SLC4A10: variants seen among roughly 807,000 people sequenced by gnomAD.
The protein encoded by SLC4A10 is sodium-driven chloride bicarbonate exchanger.
SLC4A10 carries 42 observed loss-of-function variants against 137.7 expected under a neutral mutation model. The ratio of observed to expected loss-of-function variants is 0.30; its 90% CI spans 0.24 to 0.39. SLC4A10 has a LOEUF of 0.39. Among genes scored for constraint, SLC4A10 ranks in the 10% least tolerant of loss-of-function variants. The pLI is 1.00. For missense variants in SLC4A10, 925 were observed against 1,355.0 expected, an observed-to-expected ratio of 0.68 and a Z score of 4.98; for synonymous variants, 474 against 464.1, an observed-to-expected ratio of 1.02 and a Z score of -0.27.
intron 2 of SLC4A10, among the ~76,000 whole-genome samples, chr2:161,787,074 G>A (rs535017303): frequency 6.6e-6 from 1 of 151,838 alleles, no homozygotes; most frequent in South Asian, 2.1e-4. Flanking sequence ...TTTTCCCCAC[G>A]TTTACAACAC....
rs1342815838 is a variant in SLC4A10, at chr2:161,839,769, A to G, written c.278-20A>G. 1.2e-6 allele frequency: 2 copies of G among 1,613,170 alleles called. No homozygotes were observed. Among genetic ancestry groups the G allele is most frequent in the Non-Finnish European group, 1.7e-6 (2 of 1,179,400 alleles). The stretch of plus-strand genomic sequence containing the variant: ...CGTGGTAATACATGTTCATGGTAAT[A>G]CATGTCTCTGATTTTTTAGACACCC... On this transcript the variant is annotated intron_variant, in intron 3 of 26. Coordinates refer to ENST00000446997, the MANE Select transcript of SLC4A10 (RefSeq NM_001178015.2).
At chr2:161,959,897 C>G (rs1014849889) in intron 21 of SLC4A10, among the ~76,000 whole-genome samples, 1 of 149,946 alleles carries the variant, frequency 6.7e-6, no homozygotes, top group Non-Finnish European at 1.5e-5. Flanking sequence ...TTTGATGATA[C>G]TGTTATTGGT....
intron 15 of SLC4A10, among the ~76,000 whole-genome samples, chr2:161,939,065 T>C (rs1350287524): frequency 6.6e-6 from 1 of 152,118 alleles, no homozygotes; most frequent in African/African-American, 2.4e-5. Flanking sequence ...AAATATGGAT[T>C]TAGCTAATTT....
At chr2:161,697,764 G>A (rs1471517176) in intron 1 of SLC4A10, among the ~76,000 whole-genome samples, 1 of 152,140 alleles carries the variant, frequency 6.6e-6, no homozygotes, top group Non-Finnish European at 1.5e-5. Flanking sequence ...TGTTCTTTTG[G>A]TTTAGGATTG....
intron 1 of SLC4A10, chr2:161,709,652 C>G (rs2044070792): frequency 1.3e-5 from 2 of 151,488 alleles, no homozygotes; most frequent in African/African-American, 4.8e-5. Context: ...GTTAAACATG[C>G]AAATGATTTG....
intron 1 of SLC4A10, among the ~76,000 whole-genome samples, chr2:161,656,327 C>G (rs950110382): frequency 6.6e-6 from 1 of 152,102 alleles, no homozygotes; most frequent in Non-Finnish European, 1.5e-5. Flanking sequence ...TTTGAGACAT[C>G]TTTCTTAAGC....
At chr2:161,675,797 A>G (rs981815334) in intron 1 of SLC4A10, among the ~76,000 whole-genome samples, 1 of 152,180 alleles carries the variant, frequency 6.6e-6, no homozygotes, top group South Asian at 2.1e-4. Context: ...TTTTACTGAA[A>G]AATCATGAAA....
intron 4 of SLC4A10, among the ~76,000 whole-genome samples, chr2:161,852,768 TA>T (rs1183194553): frequency 6.6e-6 from 1 of 151,976 alleles, no homozygotes; most frequent in Non-Finnish European, 1.5e-5. Context: ...AACAAAATTT[TA>T]AAAAAAACTT....
At chr2:161,740,764 T>C (rs1297747979) in intron 1 of SLC4A10, among the ~76,000 whole-genome samples, 48 of 152,186 alleles carry the variant, frequency 3.2e-4, no homozygotes, top group Admixed American at 3.1e-3. Flanking sequence ...AAAGGGCAGA[T>C]TTACATGCTT....
intron 10 of SLC4A10, among the ~76,000 whole-genome samples, chr2:161,885,886 T>C (rs1462662121): frequency 6.6e-6 from 1 of 152,134 alleles, no homozygotes; most frequent in Non-Finnish European, 1.5e-5. Context: ...GTGGATCACT[T>C]GATGTCACAA....
At chr2:161,710,189 T>A (rs148438317) in intron 1 of SLC4A10, among the ~76,000 whole-genome samples, 11 of 151,848 alleles carry the variant, frequency 7.2e-5, no homozygotes, top group African/African-American at 2.7e-4. Flanking sequence ...ATTGGCATAT[T>A]CTTAAGCTTG....
intron 5 of SLC4A10, among the ~76,000 whole-genome samples, chr2:161,860,860 G>A (rs1466518009): frequency 1.3e-5 from 2 of 152,162 alleles, no homozygotes; most frequent in East Asian, 3.8e-4. Context: ...CCGACTGCCT[G>A]ATTTTGTAGG....
intron 24 of SLC4A10, 35 bp from the exon 25 acceptor site, chr2:161,976,725 T>C (rs2105987041): frequency 9.2e-7 from 1 of 1,089,460 alleles, no homozygotes; most frequent in East Asian, 2.7e-5. Context: ...ACTTATGTAA[T>C]GTTTATTATT....
chr2:161,787,999 G>A (rs1338816398), intron 2 of SLC4A10, among the ~76,000 whole-genome samples: 2 of 152,100 alleles, frequency 1.3e-5, no homozygotes, highest in East Asian at 3.9e-4. Context: ...TGGAGTTCTT[G>A]CACTGATTCC....
At chr2:161,758,469 T>C (rs770566154) in intron 1 of SLC4A10, among the ~76,000 whole-genome samples, 1 of 152,014 alleles carries the variant, frequency 6.6e-6, no homozygotes, top group Admixed American at 6.6e-5. Context: ...TATTTTATTA[T>C]TTCCACTCTG....
chr2:161,636,344 A>G (rs994661829), intron 1 of SLC4A10, among the ~76,000 whole-genome samples: 1 of 151,914 alleles, frequency 6.6e-6, no homozygotes, highest in Non-Finnish European at 1.5e-5. Context: ...GCTGAATAGT[A>G]CTCTATTGAG....
intron 3 of SLC4A10, among the ~76,000 whole-genome samples, chr2:161,831,411 T>C (rs2058427522): frequency 6.6e-6 from 1 of 152,202 alleles, no homozygotes; most frequent in Non-Finnish European, 1.5e-5. Flanking sequence ...AGATGTTTTA[T>C]TGAACTAACA....
chr2:161,834,755 A>G lies in SLC4A10; in HGVS notation c.278-5034A>G, dbSNP rs189988137. The stretch of plus-strand genomic sequence containing the variant: ...TTTACCCCTCTTTCTATAACCATCA[A>G]TCACTCATTCCATGGGGTGGATGAA... On this transcript the variant is annotated intron_variant, in intron 3 of 26. Coordinates refer to ENST00000446997, the MANE Select transcript of SLC4A10 (RefSeq NM_001178015.2). Among the ~76,000 whole-genome samples, 1,011 of 151,806 alleles carry G rather than the reference A, an allele frequency of 6.7e-3. 11 individuals carry two copies. Among genetic ancestry groups the G allele is most frequent in the African/African-American group, 0.023 (934 of 41,374 alleles).
chr2:161,930,730 C>A (rs1690195238), intron 15 of SLC4A10, among the ~76,000 whole-genome samples: 1 of 151,876 alleles, frequency 6.6e-6, no homozygotes, highest in South Asian at 2.1e-4. Flanking sequence ...CTCCTTTCTA[C>A]TCAGAGCTAA....
Sources: gnomAD v4.1 joint callset for allele counts (sites outside exome capture counted in the v4.1 genomes callset) on GRCh38, gnomAD v4.1.1 for gene constraint, MANE v1.5 for transcripts, NCBI Gene and HGNC (gene_info 2026-07-23, HGNC 2026-07-21) for gene names.